TBC1D1: variants seen among roughly 807,000 people sequenced by gnomAD.
TBC1D1 encodes TBC1 (tre-2/USP6, BUB2, cdc16) domain family, member 1.
In TBC1D1, 89 loss-of-function variants were observed where a neutral mutation model predicts 125.6. The ratio of observed to expected loss-of-function variants is 0.71; its 90% confidence interval spans 0.60 to 0.85. The LOEUF (loss-of-function observed/expected upper bound fraction) is 0.85. Among genes scored for constraint, TBC1D1 ranks in the 40% least tolerant of loss-of-function variants. The pLI, the probability that TBC1D1 is intolerant of heterozygous loss-of-function variation, is 0.00. For missense variants in TBC1D1, 1,377 were observed against 1,469.2 expected, an observed-to-expected ratio of 0.94 and a Z score of 1.03; for synonymous variants, 565 against 564.1, an observed-to-expected ratio of 1.00 and a Z score of -0.02.
intron 9 of TBC1D1, among the ~76,000 whole-genome samples, chr4:38,045,274 T>C (rs553677546): frequency 6.6e-6 from 1 of 152,394 alleles, no homozygotes; most frequent in African/African-American, 2.4e-5. Context: ...TTTGATTTTA[T>C]GGCACACTTC....
In TBC1D1 at chr4:38,038,929, G is replaced by A. The variant is rs1049894107; in HGVS notation, c.1413+3231G>A. 8.9e-4 allele frequency among the ~76,000 whole-genome samples: 133 copies of A among 149,314 alleles called. 1 individual carries two copies. Among genetic ancestry groups the A allele is most frequent in the Middle Eastern group, 3.5e-3 (1 of 286 alleles). On this transcript the variant is annotated intron_variant, in intron 8 of 19. Transcript: ENST00000261439. Reference sequence around the variant, plus strand: ...CCACTGCACTCCAGCCTGGGCGACAGAGAGAGACTCCCTCTCGGGAAAAAA... The same window carrying A: ...CCACTGCACTCCAGCCTGGGCGACAAAGAGAGACTCCCTCTCGGGAAAAAA...
intron 15 of TBC1D1, 27 bp downstream of exon 17, chr4:38,103,184 G>A: frequency 6.3e-7 from 1 of 1,584,266 alleles, no homozygotes; most frequent in Non-Finnish European, 8.6e-7. Context: ...GATTGGAGAT[G>A]ACAATGGAAG....
At chr4:37,966,642 A>G (rs781639012) in intron 2 of TBC1D1, among the ~76,000 whole-genome samples, 11 of 152,036 alleles carry the variant, frequency 7.2e-5, no homozygotes, top group Non-Finnish European at 1.5e-4. Context: ...TCTTTTTTTA[A>G]TTATTATACT....
intron 8 of TBC1D1, among the ~76,000 whole-genome samples, chr4:38,040,193 C>T (rs1748073049): frequency 1.3e-5 from 2 of 152,216 alleles, no homozygotes; most frequent in African/African-American, 4.8e-5. Flanking sequence ...TTCAGACCTG[C>T]TTTAAAAACA....
chr4:38,087,524 C>G (rs1317480440), intron 12 of TBC1D1, among the ~76,000 whole-genome samples: 1 of 152,022 alleles, frequency 6.6e-6, no homozygotes, highest in Non-Finnish European at 1.5e-5. Context: ...GAGGTGAGCC[C>G]TTGTTTTACT....
intron 19 of TBC1D1, among the ~76,000 whole-genome samples, 159 bp from the exon 22 acceptor site, chr4:38,136,976 G>C (rs1394672581): frequency 1.3e-5 from 2 of 152,160 alleles, no homozygotes; most frequent in Admixed American, 1.3e-4. Flanking sequence ...AGGGGTGCGA[G>C]TTGCCTTCCT....
rs973798015 is a variant in TBC1D1 at position 38,044,481 on chromosome 4, T to C, written c.1533T>C (p.Ile511=). Residue 511 remains isoleucine (I), a synonymous_variant, in exon 9 of 20, where the codon ATT becomes ATC. Coordinates refer to ENST00000261439, the MANE Select transcript of TBC1D1 (RefSeq NM_015173.4). Reference sequence around the variant, plus strand: ...CTTTAACAGAGTCTTTAGAAAGTATTTTGTCCCGGGTAAGTAGCATAATTT... The same window carrying C: ...CTTTAACAGAGTCTTTAGAAAGTATCTTGTCCCGGGTAAGTAGCATAATTT... The C allele has an allele frequency of 6.2e-7, 1 of 1,609,988 alleles. No individual in the cohort carries two copies. Among genetic ancestry groups the C allele is most frequent in the Non-Finnish European group, 8.5e-7 (1 of 1,179,078 alleles).
chr4:38,122,988 G>T (rs985083234), intron 17 of TBC1D1, among the ~76,000 whole-genome samples: 2 of 134,482 alleles, frequency 1.5e-5, no homozygotes, highest in Admixed American at 7.2e-5. Context: ...TTGATTTATT[G>T]TAAAAAAACC....
chr4:37,978,186 G>A (rs950051994), intron 2 of TBC1D1, among the ~76,000 whole-genome samples: 1 of 152,210 alleles, frequency 6.6e-6, no homozygotes, highest in Non-Finnish European at 1.5e-5. Flanking sequence ...GAAGGCATAA[G>A]TGTAGATTTC....
intron 1 of TBC1D1, 105 bp from the exon 2 acceptor site, chr4:37,901,898 A>T (rs1249892252): frequency 1.9e-6 from 1 of 526,638 alleles, no homozygotes; most frequent in Non-Finnish European, 3.3e-6. Context: ...ACCTCTTATT[A>T]TATTTGGGTT....
intron 2 of TBC1D1, among the ~76,000 whole-genome samples, chr4:37,956,607 T>C (rs954941359): frequency 2.6e-5 from 4 of 152,190 alleles, no homozygotes; most frequent in Non-Finnish European, 5.9e-5. Context: ...CTTGACCTCA[T>C]GTGATATGCT....
rs374730350 is a variant in TBC1D1, at chr4:37,938,155, A to T, written c.417+35643A>T. Among the ~76,000 whole-genome samples the T allele has an allele frequency of 1.1e-4, 17 of 152,166 alleles. 1 individual carries two copies. The East Asian group carries it at 2.1e-3, about 19-fold the overall frequency. On this transcript the variant is annotated intron_variant, in intron 2 of 19. Transcript: ENST00000261439. The stretch of plus-strand genomic sequence containing the variant: ...CAGTTACTTGAGAGGTTTAGATGGG[A>T]GGGTCGCTTGAGATCAGGAGTTCAA...
At chr4:37,990,655 G>C (rs571640354) in intron 2 of TBC1D1, among the ~76,000 whole-genome samples, 1 of 152,324 alleles carries the variant, frequency 6.6e-6, no homozygotes, top group Non-Finnish European at 1.5e-5. Context: ...CCAGAAATAT[G>C]TGAATATAAT....
intron 12 of TBC1D1, among the ~76,000 whole-genome samples, chr4:38,057,516 T>G (rs1487686752): frequency 1.3e-5 from 2 of 152,238 alleles, no homozygotes; most frequent in African/African-American, 4.8e-5. Flanking sequence ...TCCCTCCTCA[T>G]GCCTCCTCTG....
Position 38,014,441 on chromosome 4 carries a change from G to A in TBC1D1, c.418-68G>A, listed in dbSNP as rs1742186571. 6.7e-7 allele frequency: 1 copy of A among 1,485,008 alleles called. No homozygotes were observed. Among genetic ancestry groups the A allele is most frequent in the Non-Finnish European group, 9.3e-7 (1 of 1,076,662 alleles). 92.0% of individuals were successfully genotyped at this position (1,485,008 alleles called of 1,614,324 possible). On this transcript the variant is annotated intron_variant, in intron 2 of 19. Coordinates refer to ENST00000261439, the MANE Select transcript of TBC1D1 (RefSeq NM_015173.4). The surrounding 1 kb of genome is among the most constrained non-coding windows in gnomAD (Gnocchi z 5.1). ...CCAGCGGGGCGTCCCGAAAGAGCAT[G>A]GTGCATTCATTCCGTGAGTGCCAGC...
chr4:38,075,703 A>G (rs1755470111), intron 12 of TBC1D1, among the ~76,000 whole-genome samples: 1 of 152,166 alleles, frequency 6.6e-6, no homozygotes, highest in Admixed American at 6.5e-5. Flanking sequence ...TTAGTCACAG[A>G]TGCATGAGAG....
At chr4:37,938,691 C>T (rs1724908807) in intron 2 of TBC1D1, among the ~76,000 whole-genome samples, 2 of 152,010 alleles carry the variant, frequency 1.3e-5, no homozygotes, top group African/African-American at 2.4e-5. Flanking sequence ...CTCCCCCAAC[C>T]CCATGACAGG....
rs1192228407 is a variant in TBC1D1, at chr4:37,977,378, C to T, written c.418-37131C>T. 1 of 402,706 alleles carries T rather than the reference C, an allele frequency of 2.5e-6. No homozygotes were observed. Among genetic ancestry groups the T allele is most frequent in the Non-Finnish European group, 3.3e-6 (1 of 298,792 alleles). 24.9% of individuals were successfully genotyped at this position (402,706 alleles called of 1,614,324 possible). Reference sequence around the variant, plus strand: ...AGCCCGCCGCCGCCGCCGCCGCCGCCGGGGAGAGCGATGCCCCGGCCCCGC... The same window carrying T: ...AGCCCGCCGCCGCCGCCGCCGCCGCTGGGGAGAGCGATGCCCCGGCCCCGC... On this transcript the variant is annotated intron_variant, in intron 2 of 19. Transcript: ENST00000261439. The surrounding 1 kb of genome is among the most constrained non-coding windows in gnomAD (Gnocchi z 4.3).
intron 2 of TBC1D1, among the ~76,000 whole-genome samples, chr4:37,903,485 A>T (rs973822043): frequency 1.3e-5 from 2 of 152,242 alleles, no homozygotes; most frequent in Non-Finnish European, 2.9e-5. Context: ...TGTCTGCCAC[A>T]TGTACAGGGC....
Sources: gnomAD v4.1 joint callset for allele counts (sites outside exome capture counted in the v4.1 genomes callset) on GRCh38, gnomAD v4.1.1 for gene constraint, Gnocchi (gnomAD v3.1) non-coding constraint, MANE v1.5 for transcripts, NCBI Gene and HGNC (gene_info 2026-07-23, HGNC 2026-07-21) for gene names.